The following ADAM33 variants were observed in gnomAD, a reference collection of about 807,000 sequenced individuals.
ADAM33 encodes the protein disintegrin and metalloproteinase domain-containing protein 33.
ADAM33 carries 103 observed loss-of-function variants against 106.2 expected under a neutral mutation model. The ratio of observed to expected loss-of-function variants is 0.97; its 90% CI spans 0.83 to 1.14. ADAM33 has a LOEUF of 1.14. ADAM33 is among the 50% of genes most tolerant of loss of function. The pLI, the probability that ADAM33 is intolerant of heterozygous loss-of-function variation, is 0.00. For missense variants in ADAM33, 1,120 were observed against 1,096.6 expected (o/e 1.02, Z -0.30); for synonymous variants, 483 against 453.0 (o/e 1.07, Z -0.84).
rs2087829391 is a variant in ADAM33 at position 3,674,790 on chromosome 20, GC to G, written c.392del (p.Cys131SerfsTer6). 6.2e-7 allele frequency: 1 copy of G among 1,610,354 alleles called. No individual in the cohort carries two copies. Among genetic ancestry groups the G allele is most frequent in the Non-Finnish European group, 8.5e-7 (1 of 1,178,018 alleles). ...GAGCTCACCTCATCCCAGAGCAGGTGCAGAGGACTACCCAGGAGTCGGGGAA... is the reference window on the plus strand; with the variant it reads ...GAGCTCACCTCATCCCAGAGCAGGTGAGAGGACTACCCAGGAGTCGGGGAA... ...RGFPDSWVVL[C>X]TCSGMSGLIT... On this transcript the variant is annotated frameshift_variant, in exon 5 of 22. Coordinates refer to ENST00000356518, the MANE Select transcript of ADAM33 (RefSeq NM_025220.5). LOFTEE classifies it high-confidence loss of function.
rs1409018774 is a variant in ADAM33, at chr20:3,674,264, C to T, written c.621G>A (p.Arg207=). ...TGTACAGTTCCAGGTACTTCCGGGT[C>T]CTGCGCGCTTCTCGCCTGCCCTGCG... The part of the protein sequence containing the change: ...PQSRGRREAR[R]TRKYLELYIV... Residue 207 remains arginine (R), a synonymous_variant, in exon 7 of 22, where the codon AGG becomes AGA. Transcript: ENST00000356518. 6.2e-7 allele frequency: 1 copy of T among 1,613,976 alleles called. No homozygotes were observed. The highest frequency in any genetic ancestry group is 8.5e-7 in the Non-Finnish European group (1 of 1,180,010).
chr20:3,670,973 A>C (rs1471520793), intron 19 of ADAM33, 33 bp downstream of exon 19: 1 of 1,525,478 alleles, frequency 6.6e-7, no homozygotes, highest in Non-Finnish European at 8.8e-7. Flanking sequence ...GAACCGCAGG[A>C]GTAGGCTCAG....
rs2087658375 is a variant in ADAM33, at chr20:3,673,026, C to T, written c.1134-128G>A. 6 of 1,434,428 alleles carry T rather than the reference C, an allele frequency of 4.2e-6. No homozygotes were observed. The South Asian group carries it at 6.0e-5, about 14-fold the overall frequency. 88.9% of individuals were successfully genotyped at this position (1,434,428 alleles called of 1,614,324 possible). On this transcript the variant is annotated intron_variant, in intron 11 of 21. Transcript: ENST00000356518. ...GAGCCCAGAGAGGGGAAGTAACCCG[C>T]GCAAAGTCACACAACAAGCGGGACA...
At chr20:3,679,006 A>G (rs1387741597) in intron 2 of ADAM33, among the ~76,000 whole-genome samples, 2 of 152,128 alleles carry the variant, frequency 1.3e-5, no homozygotes, top group Non-Finnish European at 2.9e-5. Context: ...CCCCGATACC[A>G]GAAGTGGATT....
chr20:3,679,451 G>T (rs754548173), intron 2 of ADAM33, 41 bp downstream of exon 2: 2 of 1,568,614 alleles, frequency 1.3e-6, no homozygotes, highest in African/African-American at 1.3e-5. Flanking sequence ...GGGCTGGGAG[G>T]TTCAGGGCCC....
Position 3,669,131 on chromosome 20 carries a change from C to A in ADAM33, c.2405-131G>T, listed in dbSNP as rs1022907942. ...AAGCCACAGCTTCTCCCTCCCCAGCCCAGGGGCTTCCAGCATCCTGGTCTG... is the reference window on the plus strand; with the variant it reads ...AAGCCACAGCTTCTCCCTCCCCAGCACAGGGGCTTCCAGCATCCTGGTCTG... On this transcript the variant is annotated intron_variant, in intron 21 of 21. Transcript: ENST00000356518. 1.5e-5 allele frequency: 19 copies of A among 1,238,632 alleles called. No individual in the cohort carries two copies. The Admixed American group carries it at 3.0e-4, about 19-fold the overall frequency. 76.7% of individuals were successfully genotyped at this position (1,238,632 alleles called of 1,614,324 possible). A position where few individuals can be genotyped will look rare whatever the true frequency, so the allele number is the denominator to read the frequency against.
intron 4 of ADAM33, 65 bp from the exon 5 acceptor site, chr20:3,674,914 G>A (rs541246141): frequency 2.6e-5 from 42 of 1,608,356 alleles, no homozygotes; most frequent in Non-Finnish European, 3.5e-5. Context: ...AAGAGGGAGG[G>A]TGTGGTAGGG....
At chr20:3,679,228 G>C (rs2088244543) in intron 2 of ADAM33, among the ~76,000 whole-genome samples, 2 of 149,064 alleles carry the variant, frequency 1.3e-5, no homozygotes, top group South Asian at 4.3e-4. Context: ...GGGTGGCCCA[G>C]ATCATCCAGG....
At chr20:3,670,856 G>A in intron 19 of ADAM33, 150 bp downstream of exon 19, 1 of 1,232,612 alleles carries the variant, frequency 8.1e-7, no homozygotes, top group East Asian at 2.6e-5. Flanking sequence ...GGAACCTCCT[G>A]TTCAAAGCTA....
intron 2 of ADAM33, 113 bp from the exon 3 acceptor site, chr20:3,677,256 C>T: frequency 4.5e-6 from 4 of 881,674 alleles, no homozygotes; most frequent in Non-Finnish European, 6.6e-6. Context: ...AGAACGTGGG[C>T]TGGGGAGTCA....
intron 1 of ADAM33, among the ~76,000 whole-genome samples, chr20:3,681,511 C>T (rs1490191110): frequency 7.2e-5 from 11 of 152,042 alleles, no homozygotes; most frequent in Non-Finnish European, 2.9e-5. Context: ...CCCGCTGAGT[C>T]CTAAGGGGTG....
At chr20:3,674,752 G>A (rs1568812132) in intron 5 of ADAM33, 21 bp downstream of exon 5, 1 of 1,598,196 alleles carries the variant, frequency 6.3e-7, no homozygotes, top group Non-Finnish European at 8.5e-7. Context: ...CCCAGGCCCA[G>A]CCTCCTCTCC....
In ADAM33 at chr20:3,673,866, C is replaced by G. The variant is rs753369577; in HGVS notation, c.784G>C (p.Val262Leu). 2 of 1,565,932 alleles carry G rather than the reference C, an allele frequency of 1.3e-6. No homozygotes were observed. The highest frequency in any genetic ancestry group is 1.9e-5 in the Admixed American group (1 of 53,942). Residue 262 changes from valine (V) to leucine (L), a missense_variant, in exon 9 of 22, where the codon GTG (valine) becomes CTG (leucine). Transcript: ENST00000356518. ...DIQVALTGLE[V>L]WTERDRSRVT... ...CGGCTGCGGTCCCGCTCGGTCCACA[C>G]CTCCAGGCCGGTCAGCGCCACCTGA...
intron 2 of ADAM33, among the ~76,000 whole-genome samples, chr20:3,678,420 A>G (rs1371012777): frequency 6.6e-6 from 1 of 152,148 alleles, no homozygotes; most frequent in Non-Finnish European, 1.5e-5. Context: ...GGAGGCCCAG[A>G]GGCAGAGTGA....
At chr20:3,681,597 C>T (rs1279520994) in intron 1 of ADAM33, among the ~76,000 whole-genome samples, 4 of 125,374 alleles carry the variant, frequency 3.2e-5, no homozygotes, top group African/African-American at 1.2e-4. Context: ...GAAGAGGGGG[C>T]TACGGCTATG....
chr20:3,673,714 C>G (rs937055628), intron 9 of ADAM33, 31 bp downstream of exon 9: 2 of 1,387,426 alleles, frequency 1.4e-6, no homozygotes, highest in Non-Finnish European at 1.9e-6. Context: ...CCGCCCCACC[C>G]GGGACCCGCG....
At position 3,671,539 on chromosome 20, in the gene ADAM33, G is replaced by A. The variant is rs12481140; in HGVS notation, c.1905+42C>T. 7,550 of 1,610,594 alleles carry A rather than the reference G, an allele frequency of 4.7e-3. 172 individuals are homozygous for A. In the East Asian group the frequency reaches 0.074, roughly 16 times the overall value. On this transcript the variant is annotated intron_variant, in intron 16 of 21. Transcript: ENST00000356518. ...GGCAGTGAGGGGGACACTGGCCTGC[G>A]GGATTCAAACGGCAAGGAGGGGTCG...
intron 4 of ADAM33, 55 bp downstream of exon 4, chr20:3,674,972 A>G (rs777633825): frequency 6.2e-7 from 1 of 1,611,836 alleles, no homozygotes; most frequent in South Asian, 1.1e-5. Flanking sequence ...TAGGGGTAGG[A>G]ATGGTGGGGG....
chr20:3,672,344 G>C lies in ADAM33; in HGVS notation c.1402-15C>G. 1 of 1,610,542 alleles carries C rather than the reference G, an allele frequency of 6.2e-7. No individual in the cohort carries two copies. Among genetic ancestry groups the C allele is most frequent in the Non-Finnish European group, 8.5e-7 (1 of 1,178,392 alleles). ...GCCGGCTTCAGCTGCGCAGGTGACG[G>C]GTGGTGGGGAAGGCAGAGAGAGGCC... On this transcript the variant is annotated splice_polypyrimidine_tract_variant and intron_variant, in intron 13 of 21. Coordinates refer to ENST00000356518, the MANE Select transcript of ADAM33 (RefSeq NM_025220.5).
Sources: gnomAD v4.1 joint callset for allele counts (sites outside exome capture counted in the v4.1 genomes callset) on GRCh38, gnomAD v4.1.1 for gene constraint, MANE v1.5 for transcripts, NCBI Gene and HGNC (gene_info 2026-07-23, HGNC 2026-07-21) for gene names.